GLIS3: variants seen among roughly 807,000 people sequenced by gnomAD.
GLIS3 encodes zinc finger protein GLIS3.
GLIS3 carries 53 observed loss-of-function variants against 78.6 expected under a neutral mutation model. The observed-to-expected ratio is 0.67, with a 90% confidence interval of 0.54 to 0.85. GLIS3 has a LOEUF of 0.85. Ranked by LOEUF, GLIS3 falls within the 40% of genes least tolerant of loss-of-function variation. The pLI is 0.00. For synonymous variants in GLIS3, 684 were observed against 509.9 expected (o/e 1.34, Z -4.60); for missense variants, 1,703 against 1,231.1 (o/e 1.38, Z -5.74).
intron 4 of GLIS3, among the ~76,000 whole-genome samples, chr9:4,111,367 C>T (rs1169797196): frequency 6.6e-6 from 1 of 152,144 alleles, no homozygotes; most frequent in Non-Finnish European, 1.5e-5. Context: ...GGCAAAGAAA[C>T]ATAAACCACG....
At chr9:4,079,235 A>G (rs1376166392) in intron 4 of GLIS3, among the ~76,000 whole-genome samples, 1 of 152,198 alleles carries the variant, frequency 6.6e-6, no homozygotes, top group African/African-American at 2.4e-5. Context: ...ATACTCAACA[A>G]TAGTCAACAT....
intron 9 of GLIS3, 152 bp downstream of exon 9, chr9:3,855,857 G>A (rs1819748136): frequency 1.2e-6 from 1 of 804,420 alleles, no homozygotes; most frequent in Admixed American, 2.0e-5. Flanking sequence ...AGGATTTCAT[G>A]CCTATCAAGT....
intron 2 of GLIS3, among the ~76,000 whole-genome samples, chr9:4,160,902 T>G (rs1422257856): frequency 6.6e-6 from 1 of 152,038 alleles, no homozygotes; most frequent in Non-Finnish European, 1.5e-5. Context: ...TCCGTATTGG[T>G]AATCACTGCA....
chr9:4,193,953 T>C (rs141642290), intron 2 of GLIS3, among the ~76,000 whole-genome samples: 5 of 152,368 alleles, frequency 3.3e-5, no homozygotes, highest in Non-Finnish European at 5.9e-5. Flanking sequence ...GATGTTGTGG[T>C]TCTGGCAGTA....
At chr9:4,489,246 T>A in the GLIS3 span, among the ~76,000 whole-genome samples, 11 of 152,250 alleles carry the variant, frequency 7.2e-5, 1 homozygote, top group Non-Finnish European at 1.5e-4. Flanking sequence ...TCTCAAAGTT[T>A]ACTTTCTATA....
At chr9:4,450,764 G>A in the GLIS3 span, among the ~76,000 whole-genome samples, 1 of 152,114 alleles carries the variant, frequency 6.6e-6, no homozygotes, top group Non-Finnish European at 1.5e-5. Flanking sequence ...CACAAGTGAA[G>A]GAGAAATAAA....
chr9:4,259,460 T>C (rs1293869230), intron 2 of GLIS3, among the ~76,000 whole-genome samples: 1 of 152,056 alleles, frequency 6.6e-6, no homozygotes, highest in Non-Finnish European at 1.5e-5. Flanking sequence ...ACAAGGAAGT[T>C]AGGGGTGGGG....
chr9:4,014,757 A>T (rs1822300357), intron 4 of GLIS3, among the ~76,000 whole-genome samples: 1 of 152,164 alleles, frequency 6.6e-6, no homozygotes, highest in South Asian at 2.1e-4. Flanking sequence ...CTAGTACAGA[A>T]ATCACCTCGT....
At chr9:4,098,707 TTC>T (rs989541635) in intron 4 of GLIS3, among the ~76,000 whole-genome samples, 4 of 152,194 alleles carry the variant, frequency 2.6e-5, no homozygotes, top group East Asian at 3.8e-4. Context: ...CCTTTTTACT[TTC>T]TGTTTATCGT....
chr9:4,239,969 CT>C (rs539626702), intron 2 of GLIS3, among the ~76,000 whole-genome samples: 10 of 152,136 alleles, frequency 6.6e-5, no homozygotes, highest in Non-Finnish European at 1.5e-4. Context: ...TATTAAGTTA[CT>C]TTTTTCTAAC....
At chr9:4,459,700 G>C in the GLIS3 span, among the ~76,000 whole-genome samples, 1 of 152,190 alleles carries the variant, frequency 6.6e-6, no homozygotes, top group Non-Finnish European at 1.5e-5. Flanking sequence ...AGGAGGTCAA[G>C]TGAACCATGA....
intron 2 of GLIS3, among the ~76,000 whole-genome samples, chr9:4,321,802 G>C (rs1436175216): frequency 6.6e-6 from 1 of 151,916 alleles, no homozygotes; most frequent in Admixed American, 6.6e-5. Flanking sequence ...TCCACCTCCC[G>C]GATTCAAGTG....
chr9:4,363,514 A>G, the GLIS3 span, among the ~76,000 whole-genome samples: 1 of 152,250 alleles, frequency 6.6e-6, no homozygotes, highest in Non-Finnish European at 1.5e-5. Context: ...AAAAAAAGCA[A>G]TTAAACTTCA....
chr9:3,927,639 G>C (rs1347118481), intron 6 of GLIS3, among the ~76,000 whole-genome samples: 1 of 152,156 alleles, frequency 6.6e-6, no homozygotes, highest in Admixed American at 6.5e-5. Context: ...CAGCTTTTCT[G>C]ATCACTCAAG....
chr9:4,167,580 T>G (rs1487300643), intron 2 of GLIS3, among the ~76,000 whole-genome samples: 1 of 152,164 alleles, frequency 6.6e-6, no homozygotes, highest in African/African-American at 2.4e-5. Context: ...AATATATGCT[T>G]GCTGAATGAA....
At chr9:4,352,221 G>A (rs1440697325), upstream of GLIS3, among the ~76,000 whole-genome samples, 3 of 152,148 alleles carry the variant, frequency 2.0e-5, no homozygotes, top group East Asian at 5.8e-4. Context: ...TAAAACTCAG[G>A]CGACACCCAG....
the GLIS3 span, among the ~76,000 whole-genome samples, chr9:4,373,314 G>C: frequency 0.47 from 70,996 of 152,036 alleles, 19,367 homozygotes; most frequent in East Asian, 0.62. Context: ...TCCCATCCTG[G>C]CTGTATTTCA....
At chr9:3,957,130 A>G (rs898325640) in intron 4 of GLIS3, among the ~76,000 whole-genome samples, 6 of 152,204 alleles carry the variant, frequency 3.9e-5, no homozygotes, top group Non-Finnish European at 7.3e-5. Flanking sequence ...TCTACAGTCT[A>G]TATCTGTTCT....
At chr9:4,301,088 G>C (rs181020906), upstream of GLIS3, among the ~76,000 whole-genome samples, 15 of 152,204 alleles carry the variant, frequency 9.9e-5, no homozygotes, top group East Asian at 1.9e-3. Flanking sequence ...AAGACTATTG[G>C]CAGTTTTCAT....
Sources: allele counts gnomAD v4.1 joint callset (sites outside exome capture counted in the v4.1 genomes callset), GRCh38; gene constraint gnomAD v4.1.1; transcripts MANE v1.5; gene names NCBI Gene and HGNC (gene_info 2026-07-23, HGNC 2026-07-21).